RGS7: variants seen among roughly 807,000 people sequenced by gnomAD.
RGS7 encodes the protein regulator of G-protein signaling 7.
In RGS7, 27 loss-of-function variants were observed where a neutral mutation model predicts 81.1. That is an observed-to-expected ratio of 0.33 (90% CI 0.25 to 0.46). The LOEUF is 0.46. RGS7 is among the 20% of genes least tolerant of loss of function. The pLI is 1.00. For missense variants in RGS7, 396 were observed against 607.4 expected (o/e 0.65, Z 3.66); for synonymous variants, 208 against 207.7 (o/e 1.00, Z -0.01).
At chr1:240,994,130 ATTAT>A (rs1388620499) in intron 3 of RGS7, among the ~76,000 whole-genome samples, 2 of 152,272 alleles carry the variant, frequency 1.3e-5, no homozygotes, top group East Asian at 3.9e-4. Flanking sequence ...TTCCTCCCAC[ATTAT>A]TTTTCTTTCA....
chr1:241,305,222 T>A (rs1167982783), intron 2 of RGS7, among the ~76,000 whole-genome samples: 1 of 152,230 alleles, frequency 6.6e-6, no homozygotes, highest in African/African-American at 2.4e-5. Flanking sequence ...CGCCACTGAT[T>A]AGTTTTCTCT....
chr1:241,030,409 A>G (rs1309912760), intron 3 of RGS7, among the ~76,000 whole-genome samples: 1 of 114,066 alleles, frequency 8.8e-6, no homozygotes, highest in African/African-American at 3.3e-5. Context: ...CACTATATAC[A>G]CATATATTTA....
At chr1:241,048,424 T>C (rs994779063) in intron 3 of RGS7, among the ~76,000 whole-genome samples, 1 of 152,210 alleles carries the variant, frequency 6.6e-6, no homozygotes, top group African/African-American at 2.4e-5. Context: ...TAACCTTTAG[T>C]AGAAGCCAGC....
At chr1:241,287,987 G>T (rs10802945) in intron 2 of RGS7, among the ~76,000 whole-genome samples, 56,950 of 152,088 alleles carry the variant, frequency 0.37, 11,892 homozygotes, top group East Asian at 0.53. Flanking sequence ...CTGCCACAAA[G>T]TAATTTTCCC....
chr1:240,808,487 T>C (rs1053863014), intron 14 of RGS7, among the ~76,000 whole-genome samples: 3 of 152,196 alleles, frequency 2.0e-5, no homozygotes, highest in Admixed American at 2.0e-4. Flanking sequence ...CCCACAGTAA[T>C]TCTATTAGGC....
chr1:240,920,643 G>C (rs1673364624), intron 6 of RGS7: 1 of 1,095,910 alleles, frequency 9.1e-7, no homozygotes, highest in Non-Finnish European at 1.4e-6. Flanking sequence ...GAAGAGGAGA[G>C]CCAGAGAAGT....
chr1:241,062,179 C>T (rs996874130), intron 3 of RGS7, among the ~76,000 whole-genome samples: 1 of 152,186 alleles, frequency 6.6e-6, no homozygotes, highest in South Asian at 2.1e-4. Context: ...GCAACCAATG[C>T]ACTTTGTTTA....
At chr1:240,987,328 C>T (rs10802918) in intron 3 of RGS7, among the ~76,000 whole-genome samples, 62,454 of 152,006 alleles carry the variant, frequency 0.41, 14,903 homozygotes, top group East Asian at 0.65. Context: ...ATAGAAGGTG[C>T]GCAAATTATT....
chr1:240,904,889 T>C lies in RGS7; in HGVS notation c.385+25828A>G, dbSNP rs142474185. Among the ~76,000 whole-genome samples the C allele has an allele frequency of 1.5e-3, 231 of 152,330 alleles. 2 individuals are homozygous for C. The highest frequency in any genetic ancestry group is 9.2e-3 in the East Asian group (48 of 5,190). On this transcript the variant is annotated intron_variant, in intron 6 of 18. Transcript: ENST00000440928. The stretch of plus-strand genomic sequence containing the variant: ...AATGCATGGTATTTTCAATGCTCCA[T>C]GCATGGCTAAATACACAAACATCAT...
chr1:241,283,850 T>C (rs1297637613), intron 2 of RGS7, among the ~76,000 whole-genome samples: 1 of 152,178 alleles, frequency 6.6e-6, no homozygotes, highest in African/African-American at 2.4e-5. Context: ...TAACTTCTAT[T>C]GTTCTATCTT....
At chr1:241,080,423 C>T (rs1035531347) in intron 3 of RGS7, among the ~76,000 whole-genome samples, 6 of 152,080 alleles carry the variant, frequency 3.9e-5, no homozygotes, top group Admixed American at 6.5e-5. Context: ...AAAACCTATG[C>T]CGATACTATA....
chr1:241,075,708 GA>G (rs1460293890), intron 3 of RGS7, among the ~76,000 whole-genome samples: 1 of 152,194 alleles, frequency 6.6e-6, no homozygotes, highest in Non-Finnish European at 1.5e-5. Flanking sequence ...CCATGGGTTG[GA>G]CAAGCTTGCC....
chr1:240,886,430 T>C (rs1667350726), intron 6 of RGS7, among the ~76,000 whole-genome samples: 1 of 152,186 alleles, frequency 6.6e-6, no homozygotes, highest in African/African-American at 2.4e-5. Flanking sequence ...TTTTGGTAAA[T>C]GAGACACTAA....
At chr1:241,129,343 G>C (rs1035679253) in intron 2 of RGS7, among the ~76,000 whole-genome samples, 2 of 151,768 alleles carry the variant, frequency 1.3e-5, no homozygotes, top group Admixed American at 1.3e-4. Context: ...ACAAAATGAA[G>C]TAAAGTCCCG....
chr1:240,987,253 A>T (rs1394465510), intron 3 of RGS7, among the ~76,000 whole-genome samples: 2 of 152,266 alleles, frequency 1.3e-5, no homozygotes. Flanking sequence ...CATCCTTTAC[A>T]AAACTCAAGT....
At chr1:241,298,367 C>A (rs2079545044) in intron 2 of RGS7, among the ~76,000 whole-genome samples, 1 of 152,154 alleles carries the variant, frequency 6.6e-6, no homozygotes, top group Non-Finnish European at 1.5e-5. Flanking sequence ...GAAGACTTTG[C>A]TGGAACTTGT....
intron 2 of RGS7, among the ~76,000 whole-genome samples, chr1:241,281,538 G>T (rs1168926477): frequency 6.6e-6 from 1 of 152,218 alleles, no homozygotes; most frequent in East Asian, 1.9e-4. Flanking sequence ...GATGCCAGAA[G>T]TGCTCCCAAG....
intron 2 of RGS7, among the ~76,000 whole-genome samples, chr1:241,341,709 T>C (rs533914326): frequency 6.6e-6 from 1 of 152,156 alleles, no homozygotes; most frequent in African/African-American, 2.4e-5. Flanking sequence ...GCTCATTTAA[T>C]CACCATAGCA....
chr1:241,328,653 T>C (rs1445299008), intron 2 of RGS7, among the ~76,000 whole-genome samples: 2 of 152,354 alleles, frequency 1.3e-5, no homozygotes, highest in East Asian at 3.9e-4. Context: ...TTTTGGTGAC[T>C]GACAGCTAGG....
Sources: allele counts gnomAD v4.1 joint callset (sites outside exome capture counted in the v4.1 genomes callset), GRCh38; gene constraint gnomAD v4.1.1; transcripts MANE v1.5; gene names NCBI Gene and HGNC (gene_info 2026-07-23, HGNC 2026-07-21).